Variants in TASP1 observed in about 807,000 individuals in gnomAD.
TASP1 encodes the protein threonine aspartase 1.
TASP1 carries 16 observed loss-of-function variants against 56.6 expected under a neutral mutation model. That is an observed-to-expected ratio of 0.28 (90% CI 0.19 to 0.43). The LOEUF is 0.43. Ranked by LOEUF, TASP1 falls within the 20% of genes least tolerant of loss-of-function variation. The pLI is 1.00. For synonymous variants in TASP1, 179 were observed against 184.2 expected, an observed-to-expected ratio of 0.97 and a Z score of 0.23; for missense variants, 393 against 511.6, an observed-to-expected ratio of 0.77 and a Z score of 2.24.
chr20:13,226,026 G>T, the TASP1 span, among the ~76,000 whole-genome samples: 1 of 152,278 alleles, frequency 6.6e-6, no homozygotes, highest in East Asian at 1.9e-4. Context: ...TTAGAATCAT[G>T]AATTTCTATA....
the TASP1 span, among the ~76,000 whole-genome samples, chr20:13,362,147 C>T: frequency 6.7e-6 from 1 of 149,848 alleles, no homozygotes; most frequent in Non-Finnish European, 1.5e-5. Flanking sequence ...ATCGCCCATT[C>T]TCTCTCCGCA....
chr20:13,283,780 T>C, the TASP1 span, among the ~76,000 whole-genome samples: 16 of 152,348 alleles, frequency 1.1e-4, no homozygotes, highest in African/African-American at 3.8e-4. Flanking sequence ...AGGTACTGCT[T>C]ATTGTTACTT....
the TASP1 span, among the ~76,000 whole-genome samples, chr20:13,133,712 G>A: frequency 1.3e-5 from 2 of 152,092 alleles, no homozygotes; most frequent in African/African-American, 4.8e-5. Flanking sequence ...GAGCTGAGAG[G>A]CCAAAGAAGA....
chr20:13,582,027 C>A (rs1340623492), intron 5 of TASP1, among the ~76,000 whole-genome samples: 1 of 150,282 alleles, frequency 6.7e-6, no homozygotes, highest in East Asian at 2.0e-4. Flanking sequence ...TATAAAGAGA[C>A]TACAAAAATT....
chr20:13,149,450 G>T, the TASP1 span, among the ~76,000 whole-genome samples: 1 of 152,212 alleles, frequency 6.6e-6, no homozygotes, highest in East Asian at 1.9e-4. Context: ...CGTTTTATAG[G>T]TACAAATTCC....
At chr20:13,411,600 A>G (rs1222032768) in intron 13 of TASP1, among the ~76,000 whole-genome samples, 1 of 152,180 alleles carries the variant, frequency 6.6e-6, no homozygotes, top group African/African-American at 2.4e-5. Flanking sequence ...GGTGTATAAA[A>G]ATGCTACTAA....
chr20:13,522,840 G>A (rs965562122), intron 10 of TASP1, among the ~76,000 whole-genome samples: 1 of 152,112 alleles, frequency 6.6e-6, no homozygotes, highest in African/African-American at 2.4e-5. Context: ...TCAAAGAGAT[G>A]AGGAATATTA....
chr20:13,627,408 C>G (rs1169431496), intron 2 of TASP1, among the ~76,000 whole-genome samples: 2 of 152,156 alleles, frequency 1.3e-5, no homozygotes, highest in African/African-American at 2.4e-5. Flanking sequence ...TTGCTGACCC[C>G]CAGCACCAAC....
chr20:13,115,118 T>G, the TASP1 span, among the ~76,000 whole-genome samples: 1 of 152,222 alleles, frequency 6.6e-6, no homozygotes, highest in Non-Finnish European at 1.5e-5. Flanking sequence ...TGTTCTTGTT[T>G]TCTGTATCAT....
chr20:13,613,569 A>C (rs1231993962), intron 4 of TASP1, among the ~76,000 whole-genome samples: 1 of 152,132 alleles, frequency 6.6e-6, no homozygotes, highest in Non-Finnish European at 1.5e-5. Context: ...ATTGAAAAAA[A>C]GGCACATGAG....
chr20:13,135,365 C>G, the TASP1 span, among the ~76,000 whole-genome samples: 1 of 152,188 alleles, frequency 6.6e-6, no homozygotes, highest in Admixed American at 6.5e-5. Flanking sequence ...CATGCTATAA[C>G]AGTCACCCTC....
intron 5 of TASP1, among the ~76,000 whole-genome samples, chr20:13,583,457 C>A (rs1016455202): frequency 1.5e-4 from 23 of 152,214 alleles, no homozygotes; most frequent in Non-Finnish European, 2.6e-4. Flanking sequence ...TTTTTGAGTT[C>A]TCGTCCCATG....
At chr20:13,563,774 G>C (rs1252171533) in intron 7 of TASP1, among the ~76,000 whole-genome samples, 1 of 150,952 alleles carries the variant, frequency 6.6e-6, no homozygotes, top group African/African-American at 2.4e-5. Context: ...CAAAGTGCTG[G>C]GATTATAGGC....
At chr20:13,317,758 T>C in the TASP1 span, among the ~76,000 whole-genome samples, 1 of 152,100 alleles carries the variant, frequency 6.6e-6, no homozygotes, top group Non-Finnish European at 1.5e-5. Context: ...ATGAATCTAG[T>C]CACAGACTTT....
intron 7 of TASP1, among the ~76,000 whole-genome samples, chr20:13,568,108 C>T (rs1482139048): frequency 6.6e-6 from 1 of 152,120 alleles, no homozygotes; most frequent in African/African-American, 2.4e-5. Flanking sequence ...CTCTAGCCTC[C>T]CTATATTACA....
intron 5 of TASP1, among the ~76,000 whole-genome samples, chr20:13,583,460 G>C (rs572211303): frequency 2.0e-5 from 3 of 152,100 alleles, no homozygotes; most frequent in Admixed American, 1.3e-4. Context: ...TTGAGTTCTC[G>C]TCCCATGTTT....
chr20:13,358,597 G>T, the TASP1 span, among the ~76,000 whole-genome samples: 2 of 151,964 alleles, frequency 1.3e-5, no homozygotes, highest in African/African-American at 4.8e-5. Context: ...TTTTCTGGGA[G>T]AGACAAAGGA....
chr20:13,567,865 C>G (rs1210603245), intron 7 of TASP1, among the ~76,000 whole-genome samples: 2 of 152,234 alleles, frequency 1.3e-5, no homozygotes, highest in East Asian at 3.9e-4. Flanking sequence ...AAGGCACAGT[C>G]CAGGATGGCA....
At chr20:13,269,514 C>G in the TASP1 span, among the ~76,000 whole-genome samples, 1 of 152,224 alleles carries the variant, frequency 6.6e-6, no homozygotes, top group Non-Finnish European at 1.5e-5. Context: ...CCCTCCTTCT[C>G]TCTACAACAG....
Sources: allele counts gnomAD v4.1 joint callset (sites outside exome capture counted in the v4.1 genomes callset), GRCh38; gene constraint gnomAD v4.1.1; transcripts MANE v1.5; gene names NCBI Gene and HGNC (gene_info 2026-07-23, HGNC 2026-07-21).